GAD2: variants seen among roughly 807,000 people sequenced by gnomAD.
The protein encoded by GAD2 is glutamate decarboxylase 2.
A neutral mutation model predicts 80.1 loss-of-function variants in GAD2; 22 were observed. That is an observed-to-expected ratio of 0.27 (90% CI 0.20 to 0.39). The LOEUF (loss-of-function observed/expected upper bound fraction) is 0.39, where lower values mean the gene tolerates loss of function less well. GAD2 is among the 10% of genes least tolerant of loss of function. The pLI, the probability that GAD2 is intolerant of heterozygous loss-of-function variation, is 1.00. For missense variants in GAD2, 624 were observed against 738.4 expected, an observed-to-expected ratio of 0.85 and a Z score of 1.80; for synonymous variants, 274 against 256.9, an observed-to-expected ratio of 1.07 and a Z score of -0.64.
At chr10:26,247,896 AAAAAAAAAAAAAAAAAGGAAAAG>A (rs2132289404) in intron 8 of GAD2, among the ~76,000 whole-genome samples, 1 of 71,036 alleles carries the variant, frequency 1.4e-5, no homozygotes, top group East Asian at 5.7e-4. Flanking sequence ...ACTCCATCTC[AAAAAAAAAAAAAAAAAGGAAAAG>A]AAAAAAAAAA....
intron 11 of GAD2, among the ~76,000 whole-genome samples, chr10:26,274,352 G>T (rs1426224951): frequency 1.3e-5 from 2 of 152,202 alleles, no homozygotes; most frequent in Non-Finnish European, 2.9e-5. Context: ...TATCTGATTG[G>T]CATAAAGCAC....
intron 15 of GAD2, among the ~76,000 whole-genome samples, chr10:26,299,235 C>T (rs1834304955): frequency 6.6e-6 from 1 of 152,184 alleles, no homozygotes; most frequent in Non-Finnish European, 1.5e-5. Flanking sequence ...ATGAAAACTT[C>T]ATTATAAACC....
Position 26,270,736 on chromosome 10 carries a change from A to G in GAD2, c.1072A>G (p.Lys358Glu), listed in dbSNP as rs1232927880. The G allele has an allele frequency of 6.2e-7, 1 of 1,612,278 alleles. No individual in the cohort carries two copies. The highest frequency in any genetic ancestry group is 2.2e-5 in the East Asian group (1 of 44,880). ...TGTCGCTGACATTTGCAAAAAGTAT[A>G]AGATCTGGATGCATGTGGATGTAAG... ...LAVADICKKY[K>E]IWMHVDAAWG... Residue 358 changes from lysine to glutamate, a missense_variant, in exon 10 of 16, where the codon AAG (lysine) becomes GAG (glutamate). Transcript: ENST00000376261.
In GAD2 at chr10:26,216,815, A is replaced by G; in HGVS notation, c.6A>G (p.Ala2=). ...TGCTCCAGTCTCCAAAGCCGATGGC[A>G]TCTCCGGGCTCTGGCTTTTGGTCTT... M[A]SPGSGFWSFG... Residue 2 remains alanine (A), a synonymous_variant, in exon 1 of 16, where the codon GCA becomes GCG. Coordinates refer to ENST00000376261, the MANE Select transcript of GAD2 (RefSeq NM_001134366.2). The surrounding 1 kb of genome is among the most constrained non-coding windows in gnomAD (Gnocchi z 4.7). The G allele has an allele frequency of 6.2e-7, 1 of 1,612,368 alleles. No homozygotes were observed. Among genetic ancestry groups the G allele is most frequent in the Non-Finnish European group, 8.5e-7 (1 of 1,179,394 alleles).
intron 6 of GAD2, among the ~76,000 whole-genome samples, chr10:26,229,195 A>AG (rs1188767881): frequency 1.5e-5 from 2 of 134,772 alleles, no homozygotes; most frequent in African/African-American, 5.9e-5. Flanking sequence ...CCCTGTCTCA[A>AG]GAAAAAAAAA....
chr10:26,285,203 C>A (rs1845318137), intron 12 of GAD2, among the ~76,000 whole-genome samples: 1 of 152,150 alleles, frequency 6.6e-6, no homozygotes, highest in African/African-American at 2.4e-5. Flanking sequence ...ATATGTGAAG[C>A]CTAAACTACA....
chr10:26,275,513 G>T (rs2132308384), intron 11 of GAD2, among the ~76,000 whole-genome samples: 1 of 152,294 alleles, frequency 6.6e-6, no homozygotes, highest in East Asian at 1.9e-4. Context: ...CTTTTCAAAT[G>T]GAATAACCAT....
At chr10:26,236,646 CAA>C (rs969934626) in intron 7 of GAD2, among the ~76,000 whole-genome samples, 4 of 152,102 alleles carry the variant, frequency 2.6e-5, no homozygotes, top group African/African-American at 7.2e-5. Flanking sequence ...TTTTTAGTTT[CAA>C]AAATAGATCT....
intron 11 of GAD2, 77 bp downstream of exon 11, chr10:26,273,777 G>T: frequency 8.1e-7 from 1 of 1,236,110 alleles, no homozygotes. Flanking sequence ...TCAATTTCCA[G>T]GAACTTTTGG....
chr10:26,295,277 A>C (rs1036589548), intron 15 of GAD2, among the ~76,000 whole-genome samples: 11 of 152,160 alleles, frequency 7.2e-5, no homozygotes, highest in Non-Finnish European at 1.2e-4. Context: ...CAAATATGAA[A>C]ATCTCCGGGG....
intron 7 of GAD2, among the ~76,000 whole-genome samples, chr10:26,230,177 A>G (rs1844582856): frequency 6.6e-6 from 1 of 152,112 alleles, no homozygotes; most frequent in Non-Finnish European, 1.5e-5. Context: ...AAAAGAAAAA[A>G]AAAAGGAAAA....
intron 11 of GAD2, among the ~76,000 whole-genome samples, chr10:26,275,628 G>C (rs1272843957): frequency 6.6e-6 from 1 of 152,180 alleles, no homozygotes; most frequent in South Asian, 2.1e-4. Context: ...TGACTTATTA[G>C]CAAAAGGCAT....
In GAD2 at chr10:26,301,520, A is replaced by T. The variant is rs1046153025; in HGVS notation, c.*559A>T. On this transcript the variant is annotated 3_prime_UTR_variant, in exon 16 of 16. Coordinates refer to ENST00000376261, the MANE Select transcript of GAD2 (RefSeq NM_001134366.2). ...TTTGTAACATATAGATTTTTATTTT[A>T]TATAGGTTATACAAACTGCGGGGGC... 2 of 152,142 alleles carry T rather than the reference A, an allele frequency of 1.3e-5. No individual in the cohort carries two copies. The highest frequency in any genetic ancestry group is 1.9e-4 in the East Asian group (1 of 5,200). The allele number at this position is 152,142 out of a possible 1,614,324, so 9.4% of individuals were successfully genotyped here. A position where few individuals can be genotyped will look rare whatever the true frequency, so the allele number is the denominator to read the frequency against.
intron 13 of GAD2, among the ~76,000 whole-genome samples, chr10:26,289,854 G>A (rs533386353): frequency 1.5e-4 from 22 of 147,520 alleles, no homozygotes; most frequent in African/African-American, 3.8e-4. Flanking sequence ...GTGCAGTGGC[G>A]TGATCTCAGC....
intron 15 of GAD2, 72 bp downstream of exon 15, chr10:26,293,063 T>C (rs975062499): frequency 1.6e-6 from 2 of 1,263,276 alleles, no homozygotes; most frequent in African/African-American, 2.9e-5. Context: ...TTATGACATA[T>C]GCCTGTGGCC....
At chr10:26,288,275 G>C (rs1238672248) in intron 13 of GAD2, among the ~76,000 whole-genome samples, 1 of 152,126 alleles carries the variant, frequency 6.6e-6, no homozygotes, top group Non-Finnish European at 1.5e-5. Context: ...CATCCTTCAG[G>C]GAAGCCTCCT....
chr10:26,262,152 G>C (rs1845016302), intron 8 of GAD2, among the ~76,000 whole-genome samples: 2 of 151,836 alleles, frequency 1.3e-5, no homozygotes, highest in African/African-American at 4.8e-5. Flanking sequence ...CTCTATAAGA[G>C]TTTAAAGAGC....
At chr10:26,254,998 C>T (rs751902448) in intron 8 of GAD2, among the ~76,000 whole-genome samples, 3 of 152,132 alleles carry the variant, frequency 2.0e-5, no homozygotes, top group South Asian at 2.1e-4. Flanking sequence ...CTGAGTTTGA[C>T]GAGGTTATGA....
chr10:26,284,890 T>A (rs1358660598), intron 12 of GAD2, among the ~76,000 whole-genome samples: 6 of 152,124 alleles, frequency 3.9e-5, no homozygotes, highest in Non-Finnish European at 8.8e-5. Flanking sequence ...TTAGGGCTCA[T>A]GTGTTTTTGA....
Sources: gnomAD v4.1 joint callset for allele counts (sites outside exome capture counted in the v4.1 genomes callset) on GRCh38, gnomAD v4.1.1 for gene constraint, Gnocchi (gnomAD v3.1) non-coding constraint, MANE v1.5 for transcripts, NCBI Gene and HGNC (gene_info 2026-07-23, HGNC 2026-07-21) for gene names.